The following NUDC variants were observed in gnomAD, a reference collection of about 807,000 sequenced individuals.
NUDC encodes nuclear migration protein nudC.
A neutral mutation model predicts 45.0 loss-of-function variants in NUDC; 14 were observed. The ratio of observed to expected loss-of-function variants is 0.31; its 90% CI spans 0.21 to 0.49. The LOEUF is 0.49. Ranked by LOEUF, NUDC falls within the 20% of genes least tolerant of loss-of-function variation. NUDC has a pLI of 0.99. For synonymous variants in NUDC, 153 were observed against 156.7 expected (o/e 0.98, Z 0.17); for missense variants, 323 against 426.2 (o/e 0.76, Z 2.13).
At chr1:26,914,107 G>C in intron 3 of NUDC, 4 of 540,524 alleles carry the variant, frequency 7.4e-6, no homozygotes, top group Non-Finnish European at 1.1e-5. Flanking sequence ...CAGGAATGGT[G>C]GGGAAGTGGT....
At chr1:26,907,437 C>G (rs2082007225) in intron 2 of NUDC, among the ~76,000 whole-genome samples, 1 of 152,172 alleles carries the variant, frequency 6.6e-6, no homozygotes, top group South Asian at 2.1e-4. Context: ...GCCCCCTACC[C>G]CAGCATCTAG....
At chr1:26,914,885 C>T (rs1056010488) in intron 3 of NUDC, among the ~76,000 whole-genome samples, 48 of 151,730 alleles carry the variant, frequency 3.2e-4, no homozygotes, top group African/African-American at 1.1e-3. Context: ...AAGAATCACT[C>T]GAAACTGGGA....
intron 2 of NUDC, among the ~76,000 whole-genome samples, chr1:26,929,248 A>AT (rs200182798): frequency 6.6e-6 from 1 of 151,902 alleles, no homozygotes; most frequent in Non-Finnish European, 1.5e-5. Context: ...TGGAAAAAAA[A>AT]TTTTTTTTAA....
At chr1:26,933,920 C>G (rs958720405) in intron 2 of NUDC, among the ~76,000 whole-genome samples, 1 of 152,038 alleles carries the variant, frequency 6.6e-6, no homozygotes, top group Non-Finnish European at 1.5e-5. Flanking sequence ...TTTGGGTGGC[C>G]AAGGTGGGCA....
chr1:26,908,459 T>C (rs1429303638), intron 2 of NUDC, among the ~76,000 whole-genome samples: 1 of 152,232 alleles, frequency 6.6e-6, no homozygotes, highest in Non-Finnish European at 1.5e-5. Flanking sequence ...GCACGGGGAA[T>C]GACTCAAGAA....
chr1:26,911,591 C>T, intron 3 of NUDC: 1 of 525,642 alleles, frequency 1.9e-6, no homozygotes, highest in Non-Finnish European at 3.5e-6. Context: ...TCATTCTCAT[C>T]CCAAGAAGGG....
chr1:26,917,743 A>C (rs1490099219), upstream of NUDC, among the ~76,000 whole-genome samples: 1 of 151,460 alleles, frequency 6.6e-6, no homozygotes, highest in African/African-American at 2.4e-5. Flanking sequence ...AAAATTAGCC[A>C]GACATGGTGG....
chr1:26,931,509 G>A (rs1306009204), intron 2 of NUDC, among the ~76,000 whole-genome samples: 3 of 148,506 alleles, frequency 2.0e-5, no homozygotes, highest in Non-Finnish European at 4.5e-5. Context: ...GGTTGGGCAC[G>A]GTGGCTCACA....
At chr1:26,934,981 T>G (rs2082216375) in intron 2 of NUDC, among the ~76,000 whole-genome samples, 1 of 141,486 alleles carries the variant, frequency 7.1e-6, no homozygotes, top group African/African-American at 2.7e-5. Flanking sequence ...TGTTTTTGTT[T>G]TTTGTTTTTT....
At chr1:26,906,410 A>G (rs1433372746) in intron 2 of NUDC, among the ~76,000 whole-genome samples, 3 of 152,148 alleles carry the variant, frequency 2.0e-5, no homozygotes, top group African/African-American at 7.2e-5. Context: ...AGATCGCACC[A>G]CAGCACTCCA....
intron 3 of NUDC, chr1:26,913,805 G>C (rs1570714738): frequency 6.5e-7 from 1 of 1,526,878 alleles, no homozygotes; most frequent in Non-Finnish European, 8.8e-7. Context: ...AGCTGGACGG[G>C]CCGGTGCTGC....
chr1:26,913,516 G>A, intron 3 of NUDC: 1 of 1,613,358 alleles, frequency 6.2e-7, no homozygotes, highest in Non-Finnish European at 8.5e-7. Context: ...CGCAGCCAGG[G>A]AGGGCTGGGG....
At chr1:26,916,829 C>G (rs1162326829), upstream of NUDC, among the ~76,000 whole-genome samples, 1 of 152,102 alleles carries the variant, frequency 6.6e-6, no homozygotes, top group East Asian at 1.9e-4. Context: ...GTAGTGCACA[C>G]CTATAGTTCC....
intron 2 of NUDC, among the ~76,000 whole-genome samples, chr1:26,928,312 A>T (rs1332907231): frequency 6.6e-6 from 1 of 152,168 alleles, no homozygotes; most frequent in African/African-American, 2.4e-5. Flanking sequence ...AATAATAAAA[A>T]TCCTGTAAGG....
chr1:26,904,035 T>TAAA (rs2081992258), intron 2 of NUDC, among the ~76,000 whole-genome samples: 15 of 84,704 alleles, frequency 1.8e-4, no homozygotes, highest in Non-Finnish European at 3.2e-4. Flanking sequence ...AATAAATAAA[T>TAAA]TAAATAAATA....
chr1:26,918,572 C>CTTT (rs1156337137), upstream of NUDC, among the ~76,000 whole-genome samples: 4 of 129,320 alleles, frequency 3.1e-5, no homozygotes, highest in African/African-American at 8.7e-5. Flanking sequence ...CCGCACCCAG[C>CTTT]TTTTTTTTTT....
upstream of NUDC, among the ~76,000 whole-genome samples, chr1:26,918,750 A>T (rs2082074894): frequency 7.1e-6 from 1 of 140,282 alleles, no homozygotes; most frequent in African/African-American, 2.7e-5. Context: ...AAGTTTTTGT[A>T]TTTTTAGTAG....
chr1:26,925,927 G>A (rs1189909332), intron 2 of NUDC, among the ~76,000 whole-genome samples: 1 of 151,802 alleles, frequency 6.6e-6, no homozygotes, highest in Non-Finnish European at 1.5e-5. Flanking sequence ...TCACCATGTT[G>A]GCCAGGCTGG....
chr1:26,937,102 T>A (rs1036146899), intron 2 of NUDC, among the ~76,000 whole-genome samples: 1 of 152,198 alleles, frequency 6.6e-6, no homozygotes. Flanking sequence ...CTTTATTTAC[T>A]GTTACTTGTT....
Sources: allele counts gnomAD v4.1 joint callset (sites outside exome capture counted in the v4.1 genomes callset), GRCh38; gene constraint gnomAD v4.1.1; transcripts MANE v1.5; gene names NCBI Gene and HGNC (gene_info 2026-07-23, HGNC 2026-07-21).